Variants in PDE4D observed in about 807,000 individuals in gnomAD.
PDE4D encodes the protein 3',5'-cyclic-AMP phosphodiesterase 4D.
A neutral mutation model predicts 87.4 loss-of-function variants in PDE4D; 24 were observed. The ratio of observed to expected loss-of-function variants is 0.27; its 90% CI spans 0.20 to 0.39. PDE4D has a LOEUF of 0.39. PDE4D is among the 10% of genes least tolerant of loss of function. PDE4D has a pLI of 1.00. For synonymous variants in PDE4D, 384 were observed against 383.2 expected (o/e 1.00, Z -0.02); for missense variants, 714 against 1,041.0 (o/e 0.69, Z 4.32).
intron 1 of PDE4D, among the ~76,000 whole-genome samples, chr5:59,378,360 G>A (rs953372383): frequency 8.6e-5 from 13 of 151,968 alleles, no homozygotes; most frequent in African/African-American, 3.1e-4. Flanking sequence ...AAAATAATGT[G>A]TACAAGAAGC....
At chr5:59,360,541 G>T (rs1230672786) in intron 1 of PDE4D, among the ~76,000 whole-genome samples, 2 of 152,038 alleles carry the variant, frequency 1.3e-5, no homozygotes, top group Non-Finnish European at 2.9e-5. Context: ...TTTGATAACG[G>T]GGCTTGTGTA....
At position 60,319,404 on chromosome 5, in the gene PDE4D, T is replaced by G. The variant is rs1755976153; in HGVS notation, c.-89-133717A>C. ...CATTCGTCTTATCGTTTTTCAAGGTTTTTAACTTCTTTGCCATGGCTTCGA... is the reference window on the plus strand; with the variant it reads ...CATTCGTCTTATCGTTTTTCAAGGTGTTTAACTTCTTTGCCATGGCTTCGA... On this transcript the variant is annotated intron_variant, in intron 1 of 16. Transcript: ENST00000502484. Among the ~76,000 whole-genome samples the G allele has an allele frequency of 3.3e-5, 5 of 152,314 alleles. No individual in the cohort carries two copies. In the South Asian group the frequency reaches 1.0e-3, roughly 32 times the overall value.
chr5:59,354,774 G>A (rs1236000849), intron 1 of PDE4D, among the ~76,000 whole-genome samples: 3 of 152,068 alleles, frequency 2.0e-5, no homozygotes, highest in Non-Finnish European at 1.5e-5. Context: ...AAACATTATC[G>A]GGTGATGCCA....
At chr5:59,806,131 T>C (rs1172871056) in intron 1 of PDE4D, among the ~76,000 whole-genome samples, 1 of 152,222 alleles carries the variant, frequency 6.6e-6, no homozygotes, top group Admixed American at 6.5e-5. Flanking sequence ...CCAGCCATGC[T>C]AACAGGCAGG....
upstream of PDE4D, among the ~76,000 whole-genome samples, chr5:59,897,871 C>T (rs1291952529): frequency 6.6e-6 from 1 of 152,130 alleles, no homozygotes; most frequent in Non-Finnish European, 1.5e-5. Flanking sequence ...CATTGAAAGT[C>T]TCAGATTTCA....
intron 1 of PDE4D, among the ~76,000 whole-genome samples, chr5:59,249,158 G>A (rs75665969): frequency 0.016 from 2,387 of 152,030 alleles, 62 homozygotes; most frequent in African/African-American, 0.054. Context: ...GAAAATAAGC[G>A]AAGAGACAAA....
chr5:59,086,590 C>T lies in PDE4D; in HGVS notation c.809-47619G>A, dbSNP rs543537158. On this transcript the variant is annotated intron_variant, in intron 5 of 14. Coordinates refer to ENST00000340635, the MANE Select transcript of PDE4D (RefSeq NM_001104631.2). ...ACCTACCTACCATTGTGCTGAAAAC[C>T]CCAGCTTACATTGCTCTTCCACATT... 2.5e-3 allele frequency among the ~76,000 whole-genome samples: 380 copies of T among 152,166 alleles called. 1 individual carries two copies. Among genetic ancestry groups the T allele is most frequent in the Non-Finnish European group, 3.0e-3 (207 of 68,002 alleles).
intron 1 of PDE4D, among the ~76,000 whole-genome samples, chr5:59,881,096 C>A (rs894030231): frequency 3.3e-5 from 5 of 151,984 alleles, no homozygotes; most frequent in Admixed American, 2.0e-4. Flanking sequence ...GGTTAGTAGA[C>A]CATTTTGAAT....
chr5:60,375,776 C>G (rs1761381841), intron 1 of PDE4D, among the ~76,000 whole-genome samples: 1 of 152,198 alleles, frequency 6.6e-6, no homozygotes, highest in South Asian at 2.1e-4. Flanking sequence ...CATGGTGGCT[C>G]ATGCCTGTAA....
intron 1 of PDE4D, among the ~76,000 whole-genome samples, chr5:60,240,264 C>T (rs887579089): frequency 1.3e-5 from 2 of 151,856 alleles, no homozygotes; most frequent in African/African-American, 4.8e-5. Context: ...ACTGATTGTC[C>T]CCCCACCCCA....
At chr5:60,023,296 C>T (rs1028419001) in intron 2 of PDE4D, among the ~76,000 whole-genome samples, 1 of 152,100 alleles carries the variant, frequency 6.6e-6, no homozygotes, top group African/African-American at 2.4e-5. Context: ...CAACTGTTTT[C>T]TTAATTTCCC....
intron 5 of PDE4D, among the ~76,000 whole-genome samples, chr5:59,088,226 A>G (rs1580731024): frequency 6.6e-6 from 1 of 152,122 alleles, no homozygotes; most frequent in Admixed American, 6.6e-5. Context: ...CCTCCAAAAA[A>G]CACTTTATTA....
chr5:60,136,829 G>A (rs1780090217), intron 2 of PDE4D, among the ~76,000 whole-genome samples: 1 of 151,988 alleles, frequency 6.6e-6, no homozygotes, highest in East Asian at 1.9e-4. Context: ...TAAGTTCATG[G>A]GTACATGTGC....
At chr5:59,067,218 T>C (rs1764083789) in intron 5 of PDE4D, among the ~76,000 whole-genome samples, 1 of 151,892 alleles carries the variant, frequency 6.6e-6, no homozygotes, top group South Asian at 2.1e-4. Context: ...GGTTTCATCA[T>C]GTTGCCCAGG....
chr5:59,307,312 C>T (rs1410146914), intron 1 of PDE4D, among the ~76,000 whole-genome samples: 15 of 144,886 alleles, frequency 1.0e-4, no homozygotes, highest in Admixed American at 2.1e-4. Flanking sequence ...AAGGACTTCA[C>T]GTCTAAAACA....
intron 2 of PDE4D, among the ~76,000 whole-genome samples, chr5:59,205,211 T>A (rs1748472996): frequency 6.6e-6 from 1 of 152,030 alleles, no homozygotes; most frequent in Non-Finnish European, 1.5e-5. Context: ...ATTTTTTTTT[T>A]AAACTATACG....
At position 59,862,965 on chromosome 5, in the gene PDE4D, T is replaced by C. The variant is rs556849373; in HGVS notation, c.455+30203A>G. Among the ~76,000 whole-genome samples the C allele has an allele frequency of 3.3e-5, 5 of 152,320 alleles. No individual in the cohort carries two copies. The South Asian group carries it at 8.3e-4, about 25-fold the overall frequency. The stretch of plus-strand genomic sequence containing the variant: ...ACTTCTGGACTAAGATTAACTTTCA[T>C]ATTATTGTTTTAATTATAAAAGAAA... On this transcript the variant is annotated intron_variant, in intron 1 of 14. Transcript: ENST00000340635.
chr5:59,316,721 T>A (rs1318817949), intron 1 of PDE4D, among the ~76,000 whole-genome samples: 3 of 152,208 alleles, frequency 2.0e-5, no homozygotes, highest in Non-Finnish European at 4.4e-5. Flanking sequence ...AATGTTCCAG[T>A]TGTGGACGGA....
intron 2 of PDE4D, among the ~76,000 whole-genome samples, chr5:60,109,365 G>C (rs1273428302): frequency 6.6e-6 from 1 of 151,718 alleles, no homozygotes; most frequent in African/African-American, 2.4e-5. Flanking sequence ...GAAACAACAG[G>C]TGCTGGAGAG....
Sources: gnomAD v4.1 joint callset for allele counts (sites outside exome capture counted in the v4.1 genomes callset) on GRCh38, gnomAD v4.1.1 for gene constraint, MANE v1.5 for transcripts, NCBI Gene and HGNC (gene_info 2026-07-23, HGNC 2026-07-21) for gene names.